DHRSX: variants seen among roughly 807,000 people sequenced by gnomAD.
The protein encoded by DHRSX is polyprenol dehydrogenase.
A neutral mutation model predicts 34.0 loss-of-function variants in DHRSX; 31 were observed. The observed-to-expected ratio is 0.91, with a 90% CI of 0.69 to 1.23. The LOEUF (loss-of-function observed/expected upper bound fraction) is 1.23. DHRSX is among the 50% of genes most tolerant of loss of function. DHRSX has a pLI of 0.00. For synonymous variants in DHRSX, 201 were observed against 183.8 expected, an observed-to-expected ratio of 1.09 and a Z score of -0.76; for missense variants, 414 against 428.1, an observed-to-expected ratio of 0.97 and a Z score of 0.29.
At position 2,406,728 on chromosome X, in the gene DHRSX, A is replaced by G. The variant is rs2043560552; in HGVS notation, c.286+2017T>C. 2.6e-5 allele frequency among the ~76,000 whole-genome samples: 4 copies of G among 152,312 alleles called. No individual in the cohort carries two copies. The South Asian group carries it at 8.3e-4, about 32-fold the overall frequency. ...AGTGCTGGGATTACAGGTGCCAGCCACCACGCTGGCCAGAATGATGATTTC... is the reference window on the plus strand; with the variant it reads ...AGTGCTGGGATTACAGGTGCCAGCCGCCACGCTGGCCAGAATGATGATTTC... On this transcript the variant is annotated intron_variant, in intron 3 of 6. Transcript: ENST00000334651.
At chrX:2,499,296 A>C (rs2045354122) in intron 1 of DHRSX, among the ~76,000 whole-genome samples, 1 of 152,186 alleles carries the variant, frequency 6.6e-6, no homozygotes, top group Non-Finnish European at 1.5e-5. Context: ...CTCTCTTCTT[A>C]GGCTGGACAT....
rs777086783 is a variant in DHRSX, at chrX:2,324,946, G to GTT, written c.287-33345_287-33344dup. Among the ~76,000 whole-genome samples, 1,035 of 137,868 alleles carry GTT rather than the reference G, an allele frequency of 7.5e-3. 9 individuals are homozygous for GTT. The highest frequency in any genetic ancestry group is 0.02 in the African/African-American group (728 of 36,362). The allele number at this position is 137,868 out of a possible 152,430, so 90.4% of individuals were successfully genotyped here. The stretch of plus-strand genomic sequence containing the variant: ...ACCAAGCCCGGCTAATTTTTGTTTT[G>GTT]TTTTTTTTTTTTTTAGTAGAGACGC... On this transcript the variant is annotated intron_variant, in intron 3 of 6. Transcript: ENST00000334651.
At chrX:2,228,855 C>T (rs1341890340) in intron 6 of DHRSX, among the ~76,000 whole-genome samples, 4 of 152,152 alleles carry the variant, frequency 2.6e-5, no homozygotes, top group African/African-American at 9.7e-5. Context: ...TTGTATTAGA[C>T]ATGCTGGGCT....
intron 1 of DHRSX, chrX:2,489,016 C>T (rs770861922): frequency 1.2e-6 from 2 of 1,611,974 alleles, no homozygotes; most frequent in Admixed American, 3.3e-5. Context: ...GCTCCTCCAC[C>T]ACCTGGGCAT....
In DHRSX at chrX:2,269,869, A is replaced by G. The variant is rs184135986; in HGVS notation, c.389-2922T>C. ...GTGTATTTTATATGGAGATATGTAT[A>G]TATCTATAGGTCTAGCGTTTCTGTA... On this transcript the variant is annotated intron_variant, in intron 4 of 6. Coordinates refer to ENST00000334651, the MANE Select transcript of DHRSX (RefSeq NM_145177.3). Among the ~76,000 whole-genome samples the G allele has an allele frequency of 4.0e-3, 616 of 152,268 alleles. 4 individuals are homozygous for G. Among genetic ancestry groups the G allele is most frequent in the African/African-American group, 0.014 (588 of 41,554 alleles).
intron 2 of DHRSX, among the ~76,000 whole-genome samples, chrX:2,422,168 T>C (rs1429155561): frequency 6.6e-6 from 1 of 152,222 alleles, no homozygotes; most frequent in Non-Finnish European, 1.5e-5. Flanking sequence ...CTAAGCATTG[T>C]TTATGATCCA....
At chrX:2,386,608 A>G (rs2043275321) in intron 3 of DHRSX, among the ~76,000 whole-genome samples, 1 of 152,228 alleles carries the variant, frequency 6.6e-6, no homozygotes, top group Admixed American at 6.5e-5. Flanking sequence ...CTGTAATTCC[A>G]TTTGCATGAA....
In DHRSX at chrX:2,480,625, C is replaced by T. The variant is rs2044754535; in HGVS notation, c.109+20192G>A. On this transcript the variant is annotated intron_variant, in intron 1 of 6. Coordinates refer to ENST00000334651, the MANE Select transcript of DHRSX (RefSeq NM_145177.3). ...TTCAGCCCAGGAATTCAAGACCAGC[C>T]TGAGCAACATAGCAAGACCCCATCT... Among the ~76,000 whole-genome samples the T allele has an allele frequency of 2.0e-5, 3 of 151,724 alleles. No individual in the cohort carries two copies. In the South Asian group the frequency reaches 6.2e-4, roughly 32 times the overall value.
At chrX:2,354,049 A>T (rs2042819240) in intron 3 of DHRSX, among the ~76,000 whole-genome samples, 1 of 151,944 alleles carries the variant, frequency 6.6e-6, no homozygotes, top group African/African-American at 2.4e-5. Flanking sequence ...GCTGGGGAGG[A>T]GGAGGAGACA....
rs145509689 is a variant in DHRSX, at chrX:2,417,967, C to T, written c.217+7230G>A. Among the ~76,000 whole-genome samples, 759 of 151,862 alleles carry T rather than the reference C, an allele frequency of 5.0e-3. 5 individuals carry two copies. The highest frequency in any genetic ancestry group is 0.018 in the African/African-American group (727 of 41,420). On this transcript the variant is annotated intron_variant, in intron 2 of 6. Coordinates refer to ENST00000334651, the MANE Select transcript of DHRSX (RefSeq NM_145177.3). ...AACCAAACCTCATCATGACTTAATA[C>T]AAATAGACCTCATCATGGCCTACCC...
Position 2,408,792 on chromosome X carries a change from G to C in DHRSX, c.239C>G (p.Ala80Gly). Residue 80 changes from alanine (A) to glycine (G), a missense_variant, in exon 3 of 7, where the codon GCC (alanine) becomes GGC (glycine). Ala to Gly is a moderately conservative substitution (Grantham distance 60). Transcript: ENST00000334651. ...TTTTATTTTGCTTACAACTTGTTTGGCTTTGCTGTCATTATTTCCAGCTAA... is the reference window on the plus strand; with the variant it reads ...TTTTATTTTGCTTACAACTTGTTTGCCTTTGCTGTCATTATTTCCAGCTAA... The part of the protein sequence containing the change: ...VIIAGNNDSK[A>G]KQVVSKIKEE... The C allele has an allele frequency of 6.2e-7, 1 of 1,612,556 alleles. No homozygotes were observed. The highest frequency in any genetic ancestry group is 2.2e-5 in the East Asian group (1 of 44,854).
intron 3 of DHRSX, among the ~76,000 whole-genome samples, chrX:2,328,459 G>A (rs2042416382): frequency 6.7e-6 from 1 of 149,982 alleles, no homozygotes; most frequent in Non-Finnish European, 1.5e-5. Context: ...CAGACTTCCA[G>A]CCTCCAGGAC....
rs191413181 is a variant in DHRSX at position 2,411,533 on chromosome X, C to T, written c.218-2720G>A. Among the ~76,000 whole-genome samples, 62 of 136,306 alleles carry T rather than the reference C, an allele frequency of 4.5e-4. 3 individuals are homozygous for T. In the East Asian group the frequency reaches 0.012, roughly 27 times the overall value. 89.4% of individuals were successfully genotyped at this position (136,306 alleles called of 152,430 possible). On this transcript the variant is annotated intron_variant, in intron 2 of 6. Transcript: ENST00000334651. ...TCACACCACTGCACTCCAGCCTGGG[C>T]GACAGAGCCCAACTCTGTCCCAAAA...
chrX:2,489,673 G>A (rs1394159709), intron 1 of DHRSX: 9 of 1,612,518 alleles, frequency 5.6e-6, no homozygotes, highest in Non-Finnish European at 7.6e-6. Context: ...AGGAGACGCG[G>A]TTGCTCACCA....
At chrX:2,286,221 C>T (rs2041803585) in intron 4 of DHRSX, among the ~76,000 whole-genome samples, 1 of 152,176 alleles carries the variant, frequency 6.6e-6, no homozygotes, top group Non-Finnish European at 1.5e-5. Flanking sequence ...ACCCAGGCCT[C>T]CAGCACACGG....
chrX:2,372,559 G>A (rs185947253), intron 3 of DHRSX, among the ~76,000 whole-genome samples: 1 of 151,874 alleles, frequency 6.6e-6, no homozygotes, highest in Non-Finnish European at 1.5e-5. Flanking sequence ...CCAGCATGTT[G>A]GGGTTTTAGG....
intron 1 of DHRSX, among the ~76,000 whole-genome samples, chrX:2,444,622 A>G (rs2044104378): frequency 6.6e-6 from 1 of 152,088 alleles, no homozygotes; most frequent in African/African-American, 2.4e-5. Flanking sequence ...ATTGAGGCCC[A>G]GAGTTCCAGA....
intron 3 of DHRSX, among the ~76,000 whole-genome samples, chrX:2,293,253 G>GTT (rs778290231): frequency 0.017 from 2,356 of 138,920 alleles, 50 homozygotes; most frequent in African/African-American, 0.034. Context: ...TGTTAAAGCT[G>GTT]TTTTTTTTTT....
intron 3 of DHRSX, among the ~76,000 whole-genome samples, chrX:2,301,606 G>A (rs2042010618): frequency 6.6e-6 from 1 of 152,076 alleles, no homozygotes; most frequent in African/African-American, 2.4e-5. Flanking sequence ...GGCTGGTTGC[G>A]CTGCAGGAGC....
Sources: gnomAD v4.1 joint callset for allele counts (sites outside exome capture counted in the v4.1 genomes callset) on GRCh38, gnomAD v4.1.1 for gene constraint, MANE v1.5 for transcripts, NCBI Gene and HGNC (gene_info 2026-07-23, HGNC 2026-07-21) for gene names.